Variants in TSTD2 observed in about 807,000 individuals in gnomAD.
The protein encoded by TSTD2 is thiosulfate sulfurtransferase/rhodanese-like domain-containing protein 2.
TSTD2 carries 37 observed loss-of-function variants against 47.9 expected under a neutral mutation model. The ratio of observed to expected loss-of-function variants is 0.77; its 90% CI spans 0.59 to 1.02. The LOEUF (loss-of-function observed/expected upper bound fraction) is 1.02, where lower values mean the gene tolerates loss of function less well. TSTD2 is among the 50% of genes least tolerant of loss of function. TSTD2 has a pLI of 0.00. For missense variants in TSTD2, 586 were observed against 616.0 expected (o/e 0.95, Z 0.52); for synonymous variants, 201 against 215.9 (o/e 0.93, Z 0.61).
At chr9:97,622,635 A>G (rs1458187288) in intron 3 of TSTD2, among the ~76,000 whole-genome samples, 1 of 152,260 alleles carries the variant, frequency 6.6e-6, no homozygotes, top group Non-Finnish European at 1.5e-5. Context: ...GAAAGCAGTC[A>G]GGAGGGAGGC....
chr9:97,622,594 G>A (rs145415581), intron 3 of TSTD2, among the ~76,000 whole-genome samples: 5 of 152,352 alleles, frequency 3.3e-5, no homozygotes, highest in East Asian at 1.9e-4. Flanking sequence ...ACCGTGTGCC[G>A]AAAAGATGCA....
At chr9:97,616,170 G>A (rs1314794186) in intron 4 of TSTD2, among the ~76,000 whole-genome samples, 1 of 152,152 alleles carries the variant, frequency 6.6e-6, no homozygotes, top group African/African-American at 2.4e-5. Context: ...AAGATAGTTT[G>A]CTTGTAAGAA....
intron 3 of TSTD2, among the ~76,000 whole-genome samples, chr9:97,625,282 G>A (rs892544528): frequency 1.3e-5 from 2 of 152,034 alleles, no homozygotes; most frequent in African/African-American, 4.8e-5. Context: ...CTTTATTGTC[G>A]TGCAATATTC....
At chr9:97,617,984 A>T in intron 3 of TSTD2, 107 bp from the exon 4 acceptor site, 1 of 1,393,770 alleles carries the variant, frequency 7.2e-7, no homozygotes, top group Non-Finnish European at 9.6e-7. Flanking sequence ...AGATGAGGAC[A>T]CTCATGCCTG....
intron 8 of TSTD2, 113 bp downstream of exon 8, chr9:97,605,370 T>G: frequency 7.4e-7 from 1 of 1,350,562 alleles, no homozygotes; most frequent in East Asian, 2.4e-5. Context: ...GAAGGCATGC[T>G]TTGGCTGCCT....
intron 3 of TSTD2, among the ~76,000 whole-genome samples, chr9:97,619,299 T>G (rs1237547354): frequency 6.6e-6 from 1 of 152,170 alleles, no homozygotes; most frequent in Non-Finnish European, 1.5e-5. Flanking sequence ...TTGATCAAAT[T>G]TGGACTACAG....
chr9:97,617,677 T>C lies in TSTD2; in HGVS notation c.603+80A>G, dbSNP rs1826568730. 2.7e-6 allele frequency: 4 copies of C among 1,474,618 alleles called. No individual in the cohort carries two copies. The Admixed American group carries it at 9.8e-5, about 36-fold the overall frequency. 91.3% of individuals were successfully genotyped at this position (1,474,618 alleles called of 1,614,324 possible). A position where few individuals can be genotyped will look rare whatever the true frequency, so the allele number is the denominator to read the frequency against. ...AGAACTCAACAGTGAATCTTTTTTA[T>C]AATGAGCACAGCATTTGCAATCCAA... On this transcript the variant is annotated intron_variant, in intron 4 of 9. Transcript: ENST00000341170.
At chr9:97,614,555 A>G (rs1253048863) in intron 4 of TSTD2, among the ~76,000 whole-genome samples, 1 of 150,546 alleles carries the variant, frequency 6.6e-6, no homozygotes, top group African/African-American at 2.4e-5. Flanking sequence ...GCAGAAAGGG[A>G]TAGAACGTGA....
At chr9:97,618,278 A>C (rs1834945800) in intron 3 of TSTD2, among the ~76,000 whole-genome samples, 1 of 152,174 alleles carries the variant, frequency 6.6e-6, no homozygotes, top group Non-Finnish European at 1.5e-5. Flanking sequence ...CCCTCTTTCT[A>C]TGATGCAGGT....
chr9:97,611,687 C>G lies in TSTD2; in HGVS notation c.616G>C (p.Ala206Pro). The change falls in exon 5 of 10, where the codon GCA becomes CCA. Residue 206 changes from alanine to proline, a missense_variant. Ala to Pro is a conservative substitution (Grantham distance 27, BLOSUM62 -1). Transcript: ENST00000341170. ...LHLTGKIRIA[A>P]EGINGTVGGS... ...CCAACTGTCCCATTGATTCCTTCTG[C>G]AGCAATTCGAATCTGAGACACAAGA... The G allele has an allele frequency of 6.9e-6, 11 of 1,605,636 alleles. No individual in the cohort carries two copies. The highest frequency in any genetic ancestry group is 9.4e-6 in the Non-Finnish European group (11 of 1,172,878).
chr9:97,633,297 C>T lies in TSTD2; in HGVS notation c.-105G>A, dbSNP rs1826876525. 3.5e-6 allele frequency: 1 copy of T among 285,176 alleles called. No homozygotes were observed. The highest frequency in any genetic ancestry group is 6.5e-6 in the Non-Finnish European group (1 of 154,212). The allele number at this position is 285,176 out of a possible 1,614,324, so 17.7% of individuals were successfully genotyped here. A position where few individuals can be genotyped will look rare whatever the true frequency, so the allele number is the denominator to read the frequency against. ...TCTTCCCTGCACTGTCTCCGCCTAG[C>T]AATTGTCACTGCTCACCGCCCTCGA... On this transcript the variant is annotated 5_prime_UTR_variant, in exon 1 of 10. Coordinates refer to ENST00000341170, the MANE Select transcript of TSTD2 (RefSeq NM_139246.5).
chr9:97,623,294 C>T (rs938586659), intron 3 of TSTD2, among the ~76,000 whole-genome samples: 8 of 152,192 alleles, frequency 5.3e-5, no homozygotes, highest in Non-Finnish European at 1.0e-4. Flanking sequence ...GTGACTTGCT[C>T]CTCCTTGCCT....
Position 97,601,144 on chromosome 9 carries a change from C to T in TSTD2, c.*1325G>A, listed in dbSNP as rs1473424709. The stretch of plus-strand genomic sequence containing the variant: ...GGCTGCACATGGCCCAGGAGTGGCA[C>T]CATGTTGCAGGGACAACCATCCCCA... On this transcript the variant is annotated 3_prime_UTR_variant, in exon 10 of 10. Coordinates refer to ENST00000341170, the MANE Select transcript of TSTD2 (RefSeq NM_139246.5). 3.1e-6 allele frequency: 4 copies of T among 1,303,748 alleles called. No individual in the cohort carries two copies. The highest frequency in any genetic ancestry group is 2.3e-5 in the Admixed American group (1 of 43,436). The allele number at this position is 1,303,748 out of a possible 1,614,324, so 80.8% of individuals were successfully genotyped here. A position where few individuals can be genotyped will look rare whatever the true frequency, so the allele number is the denominator to read the frequency against.
Position 97,605,009 on chromosome 9 carries a change from C to T in TSTD2, c.1114-144G>A, listed in dbSNP as rs988032956. 2.0e-5 allele frequency: 28 copies of T among 1,424,118 alleles called. No homozygotes were observed. In the Admixed American group the frequency reaches 2.7e-4, roughly 14 times the overall value. The allele number at this position is 1,424,118 out of a possible 1,614,324, so 88.2% of individuals were successfully genotyped here. A position where few individuals can be genotyped will look rare whatever the true frequency, so the allele number is the denominator to read the frequency against. On this transcript the variant is annotated intron_variant, in intron 8 of 9. Transcript: ENST00000341170. Reference sequence around the variant, plus strand: ...AGTCAGGGGCTCCTGGCTCCCACTGCGGGACACTGAGGAATTGCTGACCAA... The same window carrying T: ...AGTCAGGGGCTCCTGGCTCCCACTGTGGGACACTGAGGAATTGCTGACCAA...
At chr9:97,612,076 T>C (rs1324549135) in intron 4 of TSTD2, among the ~76,000 whole-genome samples, 1 of 152,208 alleles carries the variant, frequency 6.6e-6, no homozygotes. Context: ...CACGTTCTCA[T>C]AATTTAGCTC....
rs140224495 is a variant in TSTD2 at position 97,602,504 on chromosome 9, G to A, written c.1516C>T (p.Pro506Ser). 3 of 1,613,296 alleles carry A rather than the reference G, an allele frequency of 1.9e-6. No homozygotes were observed. In the Admixed American group the frequency reaches 5.0e-5, roughly 27 times the overall value. ...VRQPVSPEPG[P>S]DADEDGPVLM Reference sequence around the variant, plus strand: ...ACTGGCCCATCCTCATCAGCATCAGGCCCTGGCTCTGGGCTCACAGGCTGT... The same window carrying A: ...ACTGGCCCATCCTCATCAGCATCAGACCCTGGCTCTGGGCTCACAGGCTGT... Residue 506 changes from proline to serine, a missense_variant, in exon 10 of 10, where the codon CCT becomes TCT. By Grantham distance (74) the Pro-to-Ser change is moderately conservative (BLOSUM62 -1). Coordinates refer to ENST00000341170, the MANE Select transcript of TSTD2 (RefSeq NM_139246.5).
chr9:97,631,845 A>G (rs985606376), intron 1 of TSTD2, among the ~76,000 whole-genome samples: 8 of 150,164 alleles, frequency 5.3e-5, no homozygotes, highest in Non-Finnish European at 1.0e-4. Flanking sequence ...CCCTGTCTCA[A>G]AAAAAAAAAA....
intron 3 of TSTD2, among the ~76,000 whole-genome samples, chr9:97,619,435 G>A (rs903938919): frequency 1.3e-5 from 2 of 152,156 alleles, no homozygotes; most frequent in African/African-American, 2.4e-5. Flanking sequence ...CAATGTGAAG[G>A]TGACAAAGAT....
chr9:97,630,627 G>A (rs1201355909), intron 1 of TSTD2, among the ~76,000 whole-genome samples: 1 of 152,160 alleles, frequency 6.6e-6, no homozygotes, highest in Non-Finnish European at 1.5e-5. Context: ...CCCTACAGGT[G>A]ATCTCATCTA....
Sources: allele counts gnomAD v4.1 joint callset (sites outside exome capture counted in the v4.1 genomes callset), GRCh38; gene constraint gnomAD v4.1.1; transcripts MANE v1.5; gene names NCBI Gene and HGNC (gene_info 2026-07-23, HGNC 2026-07-21).